DCDC1: variants seen among roughly 807,000 people sequenced by gnomAD.
DCDC1 encodes doublecortin domain-containing protein 1.
DCDC1 carries 200 observed loss-of-function variants against 178.3 expected under a neutral mutation model. The observed-to-expected ratio is 1.12, with a 90% CI of 1.00 to 1.26. The LOEUF is 1.26. DCDC1 is among the 50% of genes most tolerant of loss of function. The pLI, the probability that DCDC1 is intolerant of heterozygous loss-of-function variation, is 0.00. For synonymous variants in DCDC1, 690 were observed against 604.8 expected (o/e 1.14, Z -2.07); for missense variants, 1,983 against 1,749.2 (o/e 1.13, Z -2.38).
chr11:31,191,589 G>T (rs913033559), intron 9 of DCDC1, among the ~76,000 whole-genome samples: 1 of 152,000 alleles, frequency 6.6e-6, no homozygotes, highest in East Asian at 1.9e-4. Flanking sequence ...GACTATAGGT[G>T]TTAATCAGTT....
intron 3 of DCDC1, among the ~76,000 whole-genome samples, chr11:31,327,769 C>T (rs1029602930): frequency 2.0e-5 from 3 of 152,082 alleles, no homozygotes; most frequent in Non-Finnish European, 4.4e-5. Context: ...ACTCTGTCGC[C>T]CAGGCTAGAG....
chr11:31,340,973 A>G (rs988778819), intron 1 of DCDC1, among the ~76,000 whole-genome samples: 7 of 152,092 alleles, frequency 4.6e-5, no homozygotes, highest in African/African-American at 1.7e-4. Flanking sequence ...GGATCCATGG[A>G]ACTTGAGGTA....
chr11:31,173,536 C>G (rs529526812), intron 9 of DCDC1, among the ~76,000 whole-genome samples: 1 of 152,150 alleles, frequency 6.6e-6, no homozygotes, highest in African/African-American at 2.4e-5. Context: ...CAATTTCACC[C>G]TCAGGCACCA....
intron 20 of DCDC1, among the ~76,000 whole-genome samples, chr11:31,006,281 G>C (rs1050251213): frequency 3.3e-5 from 5 of 152,104 alleles, no homozygotes; most frequent in Non-Finnish European, 7.4e-5. Flanking sequence ...CTTCCTGGTT[G>C]GTTTGTTTGC....
intron 7 of DCDC1, among the ~76,000 whole-genome samples, chr11:31,277,119 T>C (rs1946050541): frequency 6.6e-6 from 1 of 152,106 alleles, no homozygotes; most frequent in African/African-American, 2.4e-5. Flanking sequence ...TTCCTCATGT[T>C]CTTTTCCAAT....
chr11:31,331,790 T>C (rs1359787301), intron 2 of DCDC1, among the ~76,000 whole-genome samples: 3 of 152,160 alleles, frequency 2.0e-5, no homozygotes, highest in African/African-American at 4.8e-5. Context: ...CAGTATTTTA[T>C]TGAGGATTTT....
intron 20 of DCDC1, among the ~76,000 whole-genome samples, chr11:31,045,613 A>C (rs1954793060): frequency 6.6e-6 from 1 of 152,138 alleles, no homozygotes; most frequent in Admixed American, 6.5e-5. Context: ...TTAGAGAAAC[A>C]CTTGCTCTCT....
rs114330272 is a variant in DCDC1, at chr11:30,931,618, G to A, written c.2897+153C>T. Among the ~76,000 whole-genome samples the A allele has an allele frequency of 1.3e-3, 200 of 152,174 alleles. 1 individual carries two copies. The highest frequency in any genetic ancestry group is 4.6e-3 in the African/African-American group (189 of 41,526). On this transcript the variant is annotated intron_variant, in intron 22 of 38. Transcript: ENST00000684477. ...AATTCCTGATGAAGAAACTAAATGA[G>A]TCCTAGTCTCTATTTTCATCTTCAA... is the stretch of plus-strand genomic sequence containing the variant.
rs970105374 is a variant in DCDC1, at chr11:30,989,717, C to T, written c.2592-37149G>A. Among the ~76,000 whole-genome samples, 141 of 152,270 alleles carry T rather than the reference C, an allele frequency of 9.3e-4. 1 individual carries two copies. The highest frequency in any genetic ancestry group is 3.3e-3 in the African/African-American group (138 of 41,556). ...TTTATAGAGTCGGAGAAAGCATCCT[C>T]TTTAAATAATATATAATATTGTGCA... is the stretch of plus-strand genomic sequence containing the variant. On this transcript the variant is annotated intron_variant, in intron 20 of 38. Transcript: ENST00000684477.
At chr11:31,350,562 G>A (rs1385552079) in intron 1 of DCDC1, among the ~76,000 whole-genome samples, 1 of 151,960 alleles carries the variant, frequency 6.6e-6, no homozygotes, top group Non-Finnish European at 1.5e-5. Context: ...CTGATACTAA[G>A]ACATGTTATA....
intron 20 of DCDC1, among the ~76,000 whole-genome samples, chr11:31,030,141 T>A (rs1433690618): frequency 6.6e-6 from 1 of 151,718 alleles, no homozygotes; most frequent in Non-Finnish European, 1.5e-5. Context: ...TACAAATCAT[T>A]TTTTTTTCCT....
chr11:31,136,904 T>C (rs1459213656), intron 10 of DCDC1, among the ~76,000 whole-genome samples: 1 of 152,194 alleles, frequency 6.6e-6, no homozygotes, highest in East Asian at 1.9e-4. Context: ...CTACAGAATC[T>C]TCTGATTAGC....
intron 9 of DCDC1, among the ~76,000 whole-genome samples, chr11:31,144,303 AT>A (rs908214642): frequency 4.2e-4 from 63 of 148,528 alleles, no homozygotes; most frequent in African/African-American, 8.4e-4. Context: ...CCTGGCTAAT[AT>A]TTTTTTTTTT....
intron 20 of DCDC1, among the ~76,000 whole-genome samples, chr11:31,019,569 T>A (rs1293547058): frequency 6.6e-6 from 1 of 152,176 alleles, no homozygotes; most frequent in African/African-American, 2.4e-5. Flanking sequence ...TGTTTTTATA[T>A]TTTTTTAAAA....
At chr11:31,191,032 AC>A (rs1388299652) in intron 9 of DCDC1, among the ~76,000 whole-genome samples, 3 of 152,090 alleles carry the variant, frequency 2.0e-5, no homozygotes, top group African/African-American at 7.2e-5. Flanking sequence ...CCTCCCATAT[AC>A]TTTAAATAAT....
At chr11:30,999,735 G>A (rs1951467111) in intron 20 of DCDC1, among the ~76,000 whole-genome samples, 1 of 151,950 alleles carries the variant, frequency 6.6e-6, no homozygotes, top group Non-Finnish European at 1.5e-5. Context: ...TGGGGGGAGT[G>A]AGAAAGGGGA....
At chr11:31,017,298 C>T (rs1436504167) in intron 20 of DCDC1, among the ~76,000 whole-genome samples, 1 of 152,078 alleles carries the variant, frequency 6.6e-6, no homozygotes, top group African/African-American at 2.4e-5. Context: ...CCTCCTCAGC[C>T]CACTCAACAT....
At chr11:31,111,035 G>C (rs759323776) in intron 11 of DCDC1, among the ~76,000 whole-genome samples, 63 of 152,006 alleles carry the variant, frequency 4.1e-4, no homozygotes, top group Non-Finnish European at 9.0e-4. Flanking sequence ...AACCAGTCCC[G>C]ACAGGATGGC....
chr11:31,213,100 C>CCTCTCTCCTCT (rs1972855028), intron 9 of DCDC1, among the ~76,000 whole-genome samples: 1 of 44,242 alleles, frequency 2.3e-5, no homozygotes, highest in African/African-American at 8.5e-5. Context: ...TAAAGCCCAG[C>CCTCTCTCCTCT]CTCTCTCTCT....
Sources: allele counts gnomAD v4.1 joint callset (sites outside exome capture counted in the v4.1 genomes callset), GRCh38; gene constraint gnomAD v4.1.1; transcripts MANE v1.5; gene names NCBI Gene and HGNC (gene_info 2026-07-23, HGNC 2026-07-21).